Variants in ARHGAP40 observed in about 807,000 individuals in gnomAD.
ARHGAP40 encodes the protein Rho GTPase activating protein 40.
ARHGAP40 carries 43 observed loss-of-function variants against 73.5 expected under a neutral mutation model. That is an observed-to-expected ratio of 0.58 (90% confidence interval 0.46 to 0.75). ARHGAP40 has a LOEUF of 0.75. Ranked by LOEUF, ARHGAP40 falls within the 30% of genes least tolerant of loss-of-function variation. ARHGAP40 has a pLI of 0.00. For synonymous variants in ARHGAP40, 300 were observed against 352.8 expected (o/e 0.85, Z 1.68); for missense variants, 734 against 861.8 (o/e 0.85, Z 1.86).
chr20:38,619,143 A>G (rs2145599411), intron 1 of ARHGAP40, among the ~76,000 whole-genome samples: 1 of 152,340 alleles, frequency 6.6e-6, no homozygotes, highest in Middle Eastern at 3.4e-3. Flanking sequence ...GAGACAGGAC[A>G]TTCCAGGCAG....
intron 3 of ARHGAP40, among the ~76,000 whole-genome samples, chr20:38,628,325 G>C (rs1434289468): frequency 2.7e-5 from 4 of 145,524 alleles, no homozygotes; most frequent in Non-Finnish European, 4.5e-5. Flanking sequence ...TTTTTTTTGA[G>C]ACTGAGCCTC....
At chr20:38,644,784 A>G (rs1382845236) in intron 11 of ARHGAP40, among the ~76,000 whole-genome samples, 1 of 149,804 alleles carries the variant, frequency 6.7e-6, no homozygotes, top group East Asian at 2.0e-4. Flanking sequence ...CCATCCACCC[A>G]CTCATTCACC....
Position 38,643,471 on chromosome 20 carries a change from G to A in ARHGAP40, c.1363-233G>A, listed in dbSNP as rs558822434. Among the ~76,000 whole-genome samples the A allele has an allele frequency of 2.3e-4, 35 of 152,334 alleles. 1 individual carries two copies. The South Asian group carries it at 6.6e-3, about 29-fold the overall frequency. On this transcript the variant is annotated intron_variant, in intron 10 of 14. Coordinates refer to ENST00000373345, the Ensembl canonical transcript of ARHGAP40. The stretch of plus-strand genomic sequence containing the variant: ...TGACCCAGTTGTCTCATTAGTCTCT[G>A]AGGGAGCAGGGGAGGGAAAGAGTCT...
Position 38,646,073 on chromosome 20 carries a change from G to A in ARHGAP40, c.1596G>A (p.Val532=). The A allele has an allele frequency of 7.7e-7, 1 of 1,304,226 alleles. No homozygotes were observed. Among genetic ancestry groups the A allele is most frequent in the Non-Finnish European group, 1.0e-6 (1 of 988,852 alleles). The allele number at this position is 1,304,226 out of a possible 1,614,324, so 80.8% of individuals were successfully genotyped here. The change falls in exon 12 of 15, where the codon GTG becomes GTA. Residue 532 remains valine (V), a synonymous_variant. Coordinates refer to ENST00000373345, the Ensembl canonical transcript of ARHGAP40. This position sits in a 1 kb window ranked among gnomAD's most constrained non-coding sequence, Gnocchi z 4.5. ...TCGCCTCTTTCCTGGTCGCCCAGGT[G>A]CGAAAACTGAACGACAGTAGCAGCA...
intron 1 of ARHGAP40, among the ~76,000 whole-genome samples, chr20:38,623,132 G>C (rs2088881633): frequency 6.6e-6 from 1 of 152,206 alleles, no homozygotes; most frequent in African/African-American, 2.4e-5. Context: ...AGCAAGCAGA[G>C]CAGTCTGGCC....
chr20:38,646,017 C>T lies in ARHGAP40; in HGVS notation c.1570-30C>T, dbSNP rs764498314. 3 of 1,284,038 alleles carry T rather than the reference C, an allele frequency of 2.3e-6. No homozygotes were observed. The African/African-American group carries it at 4.6e-5, about 20-fold the overall frequency. The allele number at this position is 1,284,038 out of a possible 1,614,324, so 79.5% of individuals were successfully genotyped here. On this transcript the variant is annotated intron_variant, in intron 11 of 14. Transcript: ENST00000373345. The surrounding 1 kb of genome is among the most constrained non-coding windows in gnomAD (Gnocchi z 4.5). ...CCTCTCGCCCCCAGAAGTCCTATCCCCCTGCCAAAACTTGATCCTTTCTGG... is the reference window on the plus strand; with the variant it reads ...CCTCTCGCCCCCAGAAGTCCTATCCTCCTGCCAAAACTTGATCCTTTCTGG...
intron 1 of ARHGAP40, among the ~76,000 whole-genome samples, chr20:38,614,311 G>A (rs942704601): frequency 3.3e-5 from 5 of 152,164 alleles, no homozygotes; most frequent in Non-Finnish European, 4.4e-5. Flanking sequence ...ATTCCCTGGC[G>A]TACCCATACA....
At chr20:38,612,717 G>GAAAGA (rs1171663100) in intron 1 of ARHGAP40, among the ~76,000 whole-genome samples, 2 of 151,730 alleles carry the variant, frequency 1.3e-5, no homozygotes, top group Non-Finnish European at 1.5e-5. Context: ...AAAAGGAAAG[G>GAAAGA]AAAGAAAAGA....
chr20:38,622,635 C>G (rs1303511401), intron 1 of ARHGAP40, among the ~76,000 whole-genome samples: 1 of 152,122 alleles, frequency 6.6e-6, no homozygotes. Flanking sequence ...TAGCCTGGAT[C>G]ATGAAAGGCT....
chr20:38,615,002 G>C, intron 1 of ARHGAP40: 1 of 1,189,696 alleles, frequency 8.4e-7, no homozygotes, highest in South Asian at 1.2e-5. Context: ...GGAAAGTCCC[G>C]CTGGGGTTGA....
In ARHGAP40 at chr20:38,634,800, C is replaced by T; in HGVS notation, c.949+15C>T. On this transcript the variant is annotated intron_variant, in intron 6 of 14. Transcript: ENST00000373345. Reference sequence around the variant, plus strand: ...GAAAGCGGCAGGTGAGCAGCCCCAGCCCAGGGAAAGCCCTGTGGCCACAGT... The same window carrying T: ...GAAAGCGGCAGGTGAGCAGCCCCAGTCCAGGGAAAGCCCTGTGGCCACAGT... The T allele has an allele frequency of 7.9e-7, 1 of 1,260,326 alleles. No homozygotes were observed. Among genetic ancestry groups the T allele is most frequent in the Non-Finnish European group, 1.0e-6 (1 of 967,316 alleles). The allele number at this position is 1,260,326 out of a possible 1,614,324, so 78.1% of individuals were successfully genotyped here. A position where few individuals can be genotyped will look rare whatever the true frequency, so the allele number is the denominator to read the frequency against.
At chr20:38,642,265 A>G (rs1487745622) in intron 10 of ARHGAP40, among the ~76,000 whole-genome samples, 3 of 152,172 alleles carry the variant, frequency 2.0e-5, no homozygotes, top group Non-Finnish European at 2.9e-5. Flanking sequence ...TCCATGCAGA[A>G]CCAGTTTGGG....
intron 1 of ARHGAP40, among the ~76,000 whole-genome samples, chr20:38,605,695 G>A (rs1056540899): frequency 1.3e-5 from 2 of 152,170 alleles, no homozygotes; most frequent in African/African-American, 2.4e-5. Flanking sequence ...GAGAAGTTAA[G>A]TGTACATCCT....
chr20:38,603,455 A>ATCTATCTATCTGTCTG (rs1555889761), intron 1 of ARHGAP40, among the ~76,000 whole-genome samples: 3 of 126,770 alleles, frequency 2.4e-5, no homozygotes, highest in African/African-American at 8.5e-5. Context: ...CTATCTATCT[A>ATCTATCTATCTGTCTG]TCTATCTATT....
chr20:38,624,283 C>T (rs7348733), intron 2 of ARHGAP40, among the ~76,000 whole-genome samples: 1 of 152,086 alleles, frequency 6.6e-6, no homozygotes, highest in African/African-American at 2.4e-5. Context: ...TGGGCTTCCT[C>T]ACAGCATGGC....
At position 38,637,713 on chromosome 20, in the gene ARHGAP40, C is replaced by T. The variant is rs1219874214; in HGVS notation, c.955C>T (p.Arg319Cys). Residue 319 changes from arginine (R) to cysteine (C), a missense_variant, in exon 7 of 15, where the codon CGC (arginine) becomes TGC (cysteine). Arg to Cys is a radical substitution (Grantham distance 180, BLOSUM62 -3). Transcript: ENST00000373345. ...TGCTCTTTGACTTTCTGCAGAAACT[C>T]GCCTCTTTGGTGTGCCCCTTGACAG... 4.6e-6 allele frequency: 6 copies of T among 1,305,140 alleles called. No individual in the cohort carries two copies. The African/African-American group carries it at 7.6e-5, about 17-fold the overall frequency. 80.8% of individuals were successfully genotyped at this position (1,305,140 alleles called of 1,614,324 possible). A position where few individuals can be genotyped will look rare whatever the true frequency, so the allele number is the denominator to read the frequency against.
intron 1 of ARHGAP40, among the ~76,000 whole-genome samples, chr20:38,611,911 A>G (rs1476711597): frequency 2.1e-5 from 3 of 145,596 alleles, no homozygotes; most frequent in Admixed American, 6.8e-5. Flanking sequence ...TTTTGTAGGG[A>G]TAGGGTCTTG....
intron 11 of ARHGAP40, 79 bp from the exon 12 acceptor site, chr20:38,645,968 A>G: frequency 8.4e-7 from 1 of 1,184,216 alleles, no homozygotes; most frequent in Non-Finnish European, 1.1e-6. Flanking sequence ...GGAAGAGGCC[A>G]CGATGACCCT....
chr20:38,631,932 C>G (rs1209349271), intron 5 of ARHGAP40, among the ~76,000 whole-genome samples: 2 of 152,104 alleles, frequency 1.3e-5, no homozygotes, highest in Non-Finnish European at 2.9e-5. Context: ...AATCATAGTA[C>G]ATCAAATAAC....
Sources: allele counts gnomAD v4.1 joint callset (sites outside exome capture counted in the v4.1 genomes callset), GRCh38; gene constraint gnomAD v4.1.1; non-coding constraint Gnocchi (gnomAD v3.1); transcripts MANE v1.5; gene names NCBI Gene and HGNC (gene_info 2026-07-23, HGNC 2026-07-21).